The following TNIP3 variants were observed in gnomAD, a reference collection of about 807,000 sequenced individuals.
TNIP3 encodes TNFAIP3 interacting protein 3, also known as TNFAIP3-interacting protein 3.
A neutral mutation model predicts 54.1 loss-of-function variants in TNIP3; 34 were observed. The observed-to-expected ratio is 0.63, with a 90% CI of 0.48 to 0.84. The LOEUF is 0.84. TNIP3 is among the 40% of genes least tolerant of loss of function. TNIP3 has a pLI of 0.00. For missense variants in TNIP3, 366 were observed against 387.6 expected, an observed-to-expected ratio of 0.94 and a Z score of 0.47; for synonymous variants, 134 against 136.8, an observed-to-expected ratio of 0.98 and a Z score of 0.14.
intron 2 of TNIP3, among the ~76,000 whole-genome samples, chr4:121,159,567 T>C (rs1357408796): frequency 6.6e-6 from 1 of 152,260 alleles, no homozygotes; most frequent in East Asian, 1.9e-4. Context: ...CTCCATTAAC[T>C]GATCACGATT....
intron 5 of TNIP3, among the ~76,000 whole-genome samples, chr4:121,151,662 C>T (rs984989830): frequency 1.1e-4 from 16 of 151,872 alleles, no homozygotes; most frequent in African/African-American, 2.7e-4. Flanking sequence ...TGGATTATGG[C>T]AATGGAATAT....
At chr4:121,188,422 A>C (rs1343848908) in intron 2 of TNIP3, among the ~76,000 whole-genome samples, 1 of 152,172 alleles carries the variant, frequency 6.6e-6, no homozygotes, top group African/African-American at 2.4e-5. Context: ...GAGAGGACAC[A>C]GGAAGAGATC....
intron 2 of TNIP3, among the ~76,000 whole-genome samples, chr4:121,206,059 A>C (rs1213465923): frequency 6.6e-6 from 1 of 152,134 alleles, no homozygotes; most frequent in Non-Finnish European, 1.5e-5. Context: ...GCATGGGGGT[A>C]ACTACTCCCA....
At chr4:121,139,712 C>T (rs1300405436) in intron 9 of TNIP3, among the ~76,000 whole-genome samples, 1 of 152,178 alleles carries the variant, frequency 6.6e-6, no homozygotes, top group Admixed American at 6.5e-5. Flanking sequence ...TGTACCCCTA[C>T]TCTAGACACC....
At position 121,201,405 on chromosome 4, in the gene TNIP3, T is replaced by A. The variant is rs1725877319; in HGVS notation, c.68+15010A>T. On this transcript the variant is annotated intron_variant, in intron 2 of 12. Coordinates refer to the TNIP3 transcript ENST00000507879. ...TTGTATCTCATGTGTTTAAAATTAG[T>A]TTTTAAGCATTATATTGTATGTCTC... is the stretch of plus-strand genomic sequence containing the variant. Among the ~76,000 whole-genome samples the A allele has an allele frequency of 2.6e-5, 4 of 152,150 alleles. No homozygotes were observed. In the South Asian group the frequency reaches 8.3e-4, roughly 32 times the overall value.
intron 6 of TNIP3, among the ~76,000 whole-genome samples, chr4:121,148,573 A>G (rs979014006): frequency 6.6e-6 from 1 of 152,208 alleles, no homozygotes; most frequent in African/African-American, 2.4e-5. Flanking sequence ...AGAGTTTGAC[A>G]GAGCTTTAAG....
intron 2 of TNIP3, among the ~76,000 whole-genome samples, chr4:121,204,460 G>C (rs13109100): frequency 0.14 from 21,978 of 152,074 alleles, 2,002 homozygotes; most frequent in Middle Eastern, 0.24. Context: ...ACAATCAAAC[G>C]GTGCGCTGAC....
chr4:121,160,822 A>G (rs955715239), intron 2 of TNIP3, among the ~76,000 whole-genome samples: 4 of 152,232 alleles, frequency 2.6e-5, no homozygotes, highest in Admixed American at 2.0e-4. Context: ...GGCACAAACG[A>G]TAAAGGCATA....
chr4:121,143,634 T>C (rs925075272), intron 7 of TNIP3, among the ~76,000 whole-genome samples: 6 of 152,254 alleles, frequency 3.9e-5, no homozygotes, highest in Admixed American at 3.9e-4. Flanking sequence ...AATTAGTGAA[T>C]ATTGAACCAC....
chr4:121,155,474 A>T (rs920548131), intron 4 of TNIP3, among the ~76,000 whole-genome samples: 1 of 152,208 alleles, frequency 6.6e-6, no homozygotes, highest in African/African-American at 2.4e-5. Flanking sequence ...ATTACAGATC[A>T]TTATTTAGAG....
At chr4:121,161,012 C>A (rs1730416124) in intron 2 of TNIP3, 124 bp downstream of exon 2, 1 of 750,064 alleles carries the variant, frequency 1.3e-6, no homozygotes, top group Non-Finnish European at 2.2e-6. Flanking sequence ...ATAGTGCAGT[C>A]CAGTATCTTA....
intron 3 of TNIP3, among the ~76,000 whole-genome samples, chr4:121,171,139 T>A (rs1731042874): frequency 6.6e-6 from 1 of 152,136 alleles, no homozygotes; most frequent in Non-Finnish European, 1.5e-5. Flanking sequence ...TTTTGTCAGA[T>A]TAAGTTTGTC....
chr4:121,174,632 G>T (rs74415105), intron 3 of TNIP3, among the ~76,000 whole-genome samples: 2 of 151,516 alleles, frequency 1.3e-5, no homozygotes, highest in African/African-American at 4.8e-5. Flanking sequence ...AATGACAAAC[G>T]TTTATTTTAA....
chr4:121,146,112 TG>T (rs1729417332), intron 7 of TNIP3, among the ~76,000 whole-genome samples: 1 of 152,170 alleles, frequency 6.6e-6, no homozygotes, highest in Admixed American at 6.5e-5. Flanking sequence ...TAAAATTATT[TG>T]ATTTTTTACT....
chr4:121,172,218 A>G (rs1009552012), intron 3 of TNIP3, among the ~76,000 whole-genome samples: 1 of 152,188 alleles, frequency 6.6e-6, no homozygotes, highest in African/African-American at 2.4e-5. Flanking sequence ...TGACTTGTCT[A>G]AGTAGAGAGG....
At chr4:121,146,368 C>A (rs1353563174) in intron 7 of TNIP3, among the ~76,000 whole-genome samples, 2 of 152,090 alleles carry the variant, frequency 1.3e-5, no homozygotes, top group African/African-American at 4.8e-5. Flanking sequence ...AAATGTATTG[C>A]AATATTTTAC....
At chr4:121,176,460 G>A (rs2148824293) in intron 3 of TNIP3, among the ~76,000 whole-genome samples, 1 of 152,008 alleles carries the variant, frequency 6.6e-6, no homozygotes, top group East Asian at 1.9e-4. Context: ...GTCAGTTATT[G>A]TATGAGAAAA....
chr4:121,165,608 T>C (rs576666284), upstream of TNIP3, among the ~76,000 whole-genome samples: 2 of 152,210 alleles, frequency 1.3e-5, no homozygotes, highest in African/African-American at 4.8e-5. Flanking sequence ...CATGAATAAA[T>C]GAATGAATAT....
intron 3 of TNIP3, among the ~76,000 whole-genome samples, chr4:121,158,344 T>C (rs888233290): frequency 6.6e-6 from 1 of 152,188 alleles, no homozygotes; most frequent in Non-Finnish European, 1.5e-5. Context: ...CTTTAAACCA[T>C]ATCTCACCTC....
Sources: gnomAD v4.1 joint callset for allele counts (sites outside exome capture counted in the v4.1 genomes callset) on GRCh38, gnomAD v4.1.1 for gene constraint, MANE v1.5 for transcripts, NCBI Gene and HGNC (gene_info 2026-07-23, HGNC 2026-07-21) for gene names.